The following BACH2 variants were observed in gnomAD, a reference collection of about 807,000 sequenced individuals.
BACH2 encodes BACH transcriptional regulator 2, also known as transcription regulator protein BACH2.
Under a neutral mutation model 61.8 loss-of-function variants are expected in BACH2, and 5 were observed. The ratio of observed to expected loss-of-function variants is 0.08; its 90% CI spans 0.04 to 0.17. BACH2 has a LOEUF of 0.17. Ranked by LOEUF, BACH2 falls within the 10% of genes least tolerant of loss-of-function variation. BACH2 has a pLI of 1.00. For missense variants in BACH2, 824 were observed against 1,091.1 expected (o/e 0.76, Z 3.45); for synonymous variants, 446 against 440.1 (o/e 1.01, Z -0.17).
chr6:90,014,859 A>G (rs1219840334), intron 5 of BACH2, among the ~76,000 whole-genome samples: 1 of 151,726 alleles, frequency 6.6e-6, no homozygotes, highest in Non-Finnish European at 1.5e-5. Flanking sequence ...GCTAACTGCA[A>G]CCTCAAACTC....
At chr6:90,291,648 G>T (rs1014523486) in intron 1 of BACH2, among the ~76,000 whole-genome samples, 1 of 151,280 alleles carries the variant, frequency 6.6e-6, no homozygotes, top group Non-Finnish European at 1.5e-5. Context: ...TTGTATTTTG[G>T]GCAATCTTAC....
chr6:90,259,444 T>G (rs1262141351), intron 2 of BACH2, among the ~76,000 whole-genome samples: 1 of 152,252 alleles, frequency 6.6e-6, no homozygotes, highest in East Asian at 1.9e-4. Flanking sequence ...ACATGTAATC[T>G]TTTTGATGTG....
rs1230139986 is a variant in BACH2 at position 90,186,325 on chromosome 6, C to T, written c.-162+20244G>A. On this transcript the variant is annotated intron_variant, in intron 4 of 8. Coordinates refer to ENST00000257749, the MANE Select transcript of BACH2 (RefSeq NM_021813.4). Reference sequence around the variant, plus strand: ...AACACTAGAGTAATATCCAATGAAGCGGCTTCCATTTACAGTGTTTTCCAG... The same window carrying T: ...AACACTAGAGTAATATCCAATGAAGTGGCTTCCATTTACAGTGTTTTCCAG... Among the ~76,000 whole-genome samples the T allele has an allele frequency of 2.0e-5, 3 of 152,154 alleles. No individual in the cohort carries two copies. In the East Asian group the frequency reaches 5.8e-4, roughly 29 times the overall value.
chr6:90,004,236 C>T (rs1777284147), intron 6 of BACH2, among the ~76,000 whole-genome samples: 1 of 152,160 alleles, frequency 6.6e-6, no homozygotes, highest in African/African-American at 2.4e-5. Flanking sequence ...TCTTTAGAAT[C>T]CTTCTGGGTC....
intron 4 of BACH2, among the ~76,000 whole-genome samples, chr6:90,096,748 C>G (rs1019477504): frequency 8.5e-5 from 13 of 152,200 alleles, no homozygotes; most frequent in African/African-American, 2.9e-4. Flanking sequence ...TGAGCATACA[C>G]CTGCACTTGG....
At chr6:90,243,667 T>C (rs1452242497) in intron 3 of BACH2, among the ~76,000 whole-genome samples, 1 of 152,198 alleles carries the variant, frequency 6.6e-6, no homozygotes, top group Admixed American at 6.5e-5. Context: ...TTTTAAAGTT[T>C]GACACCACTG....
At chr6:90,199,188 C>T (rs977072622) in intron 4 of BACH2, among the ~76,000 whole-genome samples, 4 of 152,144 alleles carry the variant, frequency 2.6e-5, no homozygotes, top group Non-Finnish European at 5.9e-5. Flanking sequence ...AGACACCAGC[C>T]AGTGCTTCAC....
At chr6:90,235,780 T>C (rs1024271467) in intron 3 of BACH2, among the ~76,000 whole-genome samples, 3 of 152,262 alleles carry the variant, frequency 2.0e-5, no homozygotes, top group African/African-American at 7.2e-5. Flanking sequence ...CAGAATTTAG[T>C]AAGTTCTAAT....
At chr6:90,192,369 A>C (rs1768605926) in intron 4 of BACH2, among the ~76,000 whole-genome samples, 1 of 152,088 alleles carries the variant, frequency 6.6e-6, no homozygotes, top group Non-Finnish European at 1.5e-5. Context: ...TAGCAGTTCT[A>C]AATGTAGAGA....
At chr6:89,996,056 G>A (rs1776830906) in intron 6 of BACH2, among the ~76,000 whole-genome samples, 2 of 152,158 alleles carry the variant, frequency 1.3e-5, no homozygotes, top group Admixed American at 1.3e-4. Flanking sequence ...AGGGGTCAGC[G>A]ATTTCTAGTG....
intron 4 of BACH2, among the ~76,000 whole-genome samples, chr6:90,115,351 G>A (rs1057079709): frequency 2.0e-5 from 3 of 151,956 alleles, no homozygotes; most frequent in Non-Finnish European, 2.9e-5. Context: ...AGAATAGAGA[G>A]CTCAGAAATA....
intron 4 of BACH2, among the ~76,000 whole-genome samples, chr6:90,153,623 A>G (rs1010012806): frequency 1.3e-5 from 2 of 152,206 alleles, no homozygotes; most frequent in Admixed American, 1.3e-4. Context: ...TCTGATAGCT[A>G]TAGGATTTAC....
intron 1 of BACH2, among the ~76,000 whole-genome samples, chr6:90,295,988 G>T (rs1772355326): frequency 6.6e-6 from 1 of 152,178 alleles, no homozygotes; most frequent in Admixed American, 6.5e-5. Context: ...CACGCCGAGG[G>T]TTAAGGAGGA....
intron 4 of BACH2, among the ~76,000 whole-genome samples, chr6:90,139,184 G>T (rs1404081948): frequency 1.3e-5 from 2 of 152,072 alleles, no homozygotes; most frequent in Non-Finnish European, 2.9e-5. Flanking sequence ...ATATGCCCAT[G>T]GCTAAAATCT....
chr6:90,044,636 T>A (rs1236822218), intron 5 of BACH2, among the ~76,000 whole-genome samples: 1 of 152,170 alleles, frequency 6.6e-6, no homozygotes, highest in African/African-American at 2.4e-5. Flanking sequence ...GCAGTCCTGG[T>A]AAGCATGATG....
chr6:90,085,040 G>A (rs527712691), intron 5 of BACH2, among the ~76,000 whole-genome samples: 18 of 152,056 alleles, frequency 1.2e-4, no homozygotes, highest in African/African-American at 2.7e-4. Flanking sequence ...AAACACAAAA[G>A]CCAAAAAAAG....
intron 4 of BACH2, among the ~76,000 whole-genome samples, chr6:90,143,984 C>T (rs562354264): frequency 4.6e-5 from 7 of 152,248 alleles, no homozygotes; most frequent in African/African-American, 1.7e-4. Flanking sequence ...GAGAAAGGGG[C>T]CTGATCTTAC....
intron 3 of BACH2, among the ~76,000 whole-genome samples, chr6:90,226,835 C>T (rs915296589): frequency 7.9e-5 from 12 of 152,090 alleles, no homozygotes; most frequent in Non-Finnish European, 1.0e-4. Context: ...GAGAAAACAC[C>T]ATTAGTATTA....
chr6:90,080,131 C>T (rs1278289913), intron 5 of BACH2, among the ~76,000 whole-genome samples: 1 of 152,118 alleles, frequency 6.6e-6, no homozygotes, highest in African/African-American at 2.4e-5. Flanking sequence ...GTGATCCACA[C>T]CTTCCACATT....
Sources: allele counts gnomAD v4.1 joint callset (sites outside exome capture counted in the v4.1 genomes callset), GRCh38; gene constraint gnomAD v4.1.1; transcripts MANE v1.5; gene names NCBI Gene and HGNC (gene_info 2026-07-23, HGNC 2026-07-21).